NFATC2: variants seen among roughly 807,000 people sequenced by gnomAD.
NFATC2 encodes nuclear factor of activated T-cells, cytoplasmic 2.
NFATC2 carries 22 observed loss-of-function variants against 87.3 expected under a neutral mutation model. The ratio of observed to expected loss-of-function variants is 0.25; its 90% CI spans 0.18 to 0.36. The LOEUF is 0.36. NFATC2 is among the 10% of genes least tolerant of loss of function. The pLI, the probability that NFATC2 is intolerant of heterozygous loss-of-function variation, is 1.00. For missense variants in NFATC2, 1,149 were observed against 1,259.1 expected (o/e 0.91, Z 1.32); for synonymous variants, 565 against 542.2 (o/e 1.04, Z -0.58).
intron 3 of NFATC2, among the ~76,000 whole-genome samples, chr20:51,508,307 C>A (rs1032136870): frequency 6.6e-6 from 1 of 152,116 alleles, no homozygotes; most frequent in Non-Finnish European, 1.5e-5. Context: ...CACCCTCCCC[C>A]TCTCTCCACC....
Position 51,524,619 on chromosome 20 carries a change from C to T in NFATC2, c.131-509G>A, listed in dbSNP as rs2076513280. Among the ~76,000 whole-genome samples the T allele has an allele frequency of 1.3e-5, 2 of 152,088 alleles. 1 individual carries two copies. Among genetic ancestry groups the T allele is most frequent in the South Asian group, 4.2e-4 (2 of 4,818 alleles). ...CACCTATCTAGGGCCTATGGCAGCACTCTACACACATGACGTGGACGCAGG... is the reference window on the plus strand; with the variant it reads ...CACCTATCTAGGGCCTATGGCAGCATTCTACACACATGACGTGGACGCAGG... On this transcript the variant is annotated intron_variant, in intron 1 of 10. Coordinates refer to ENST00000371564, the MANE Select transcript of NFATC2 (RefSeq NM_012340.5). This position sits in a 1 kb window ranked among gnomAD's most constrained non-coding sequence, Gnocchi z 4.0.
At chr20:51,418,911 G>A (rs1980447663) in intron 9 of NFATC2, among the ~76,000 whole-genome samples, 1 of 151,390 alleles carries the variant, frequency 6.6e-6, no homozygotes, top group Non-Finnish European at 1.5e-5. Context: ...TGATCTGCCT[G>A]CCTCGGCTTC....
chr20:51,446,755 T>C (rs1353789613), intron 6 of NFATC2, among the ~76,000 whole-genome samples: 4 of 152,384 alleles, frequency 2.6e-5, no homozygotes, highest in Middle Eastern at 3.4e-3. Flanking sequence ...AGTTGCAATC[T>C]GGATCGCATC....
At position 51,418,659 on chromosome 20, in the gene NFATC2, GTT is replaced by G. The variant is rs752511466; in HGVS notation, c.2722+13406_2722+13407del. Among the ~76,000 whole-genome samples, 1,168 of 124,966 alleles carry G rather than the reference GTT, an allele frequency of 9.3e-3. 12 individuals are homozygous for G. The East Asian group carries it at 0.099, about 11-fold the overall frequency. 82.0% of individuals were successfully genotyped at this position (124,966 alleles called of 152,430 possible). A position where few individuals can be genotyped will look rare whatever the true frequency, so the allele number is the denominator to read the frequency against. On this transcript the variant is annotated intron_variant, in intron 9 of 10. Coordinates refer to ENST00000371564, the MANE Select transcript of NFATC2 (RefSeq NM_012340.5). ...TAGGTTTTCTTTTGTTGTTTGTTTG[GTT>G]TTTTTTTTTTTTTTTTTTTGAGACG... is the stretch of plus-strand genomic sequence containing the variant.
At chr20:51,485,776 G>C (rs2040341174) in intron 3 of NFATC2, among the ~76,000 whole-genome samples, 1 of 152,156 alleles carries the variant, frequency 6.6e-6, no homozygotes, top group African/African-American at 2.4e-5. Flanking sequence ...CTGTTGGCAG[G>C]AACAAGTGGG....
At chr20:51,473,925 A>T in intron 5 of NFATC2, 55 bp downstream of exon 5, 1 of 1,576,526 alleles carries the variant, frequency 6.3e-7, no homozygotes, top group Non-Finnish European at 8.6e-7. Context: ...TCCCGGGGGA[A>T]GCCCACGTGC....
chr20:51,519,563 G>A (rs555200045), intron 2 of NFATC2, among the ~76,000 whole-genome samples: 1 of 151,954 alleles, frequency 6.6e-6, no homozygotes, highest in East Asian at 1.9e-4. Context: ...GGCGGAGGTT[G>A]CAGTGAGCCG....
intron 10 of NFATC2, among the ~76,000 whole-genome samples, chr20:51,397,091 C>T (rs1028799035): frequency 2.0e-5 from 3 of 151,996 alleles, no homozygotes; most frequent in African/African-American, 4.8e-5. Flanking sequence ...CGGGGTTTCA[C>T]CATGTTGGCC....
intron 6 of NFATC2, among the ~76,000 whole-genome samples, chr20:51,444,275 C>T (rs961378844): frequency 6.6e-6 from 1 of 151,968 alleles, no homozygotes; most frequent in African/African-American, 2.4e-5. Context: ...AGCCACCACG[C>T]CCACCTGACA....
At chr20:51,492,932 G>A (rs1333862163) in intron 3 of NFATC2, among the ~76,000 whole-genome samples, 3 of 152,256 alleles carry the variant, frequency 2.0e-5, no homozygotes, top group African/African-American at 7.2e-5. Context: ...TCATGGAACT[G>A]TAGCGTCAGC....
At chr20:51,555,006 G>A (rs779715238) in intron 1 of NFATC2, among the ~76,000 whole-genome samples, 3 of 152,146 alleles carry the variant, frequency 2.0e-5, no homozygotes, top group African/African-American at 4.8e-5. Flanking sequence ...CCTGGGGCTC[G>A]AGGGAACACA....
intron 9 of NFATC2, among the ~76,000 whole-genome samples, chr20:51,415,479 G>C (rs1979924097): frequency 6.6e-6 from 1 of 152,066 alleles, no homozygotes; most frequent in African/African-American, 2.4e-5. Flanking sequence ...CTGAGTAGTT[G>C]GCCACCACCT....
intron 9 of NFATC2, among the ~76,000 whole-genome samples, chr20:51,399,438 T>C (rs902829731): frequency 1.3e-5 from 2 of 152,262 alleles, no homozygotes; most frequent in Non-Finnish European, 2.9e-5. Flanking sequence ...AAATGTTTTC[T>C]GAGTCCAATT....
At chr20:51,443,024 A>G (rs1364366640) in intron 6 of NFATC2, among the ~76,000 whole-genome samples, 2 of 152,114 alleles carry the variant, frequency 1.3e-5, no homozygotes, top group African/African-American at 4.8e-5. Flanking sequence ...ATTCCATTAG[A>G]CACACTGGCC....
chr20:51,492,726 C>T (rs1386977874), intron 3 of NFATC2, among the ~76,000 whole-genome samples: 1 of 152,230 alleles, frequency 6.6e-6, no homozygotes. Context: ...TGCCAGGCGA[C>T]TTGGAAGAGG....
Position 51,421,557 on chromosome 20 carries a change from G to A in NFATC2, c.2722+10510C>T, listed in dbSNP as rs1459842159. On this transcript the variant is annotated intron_variant, in intron 9 of 10. Coordinates refer to ENST00000371564, the MANE Select transcript of NFATC2 (RefSeq NM_012340.5). ...CTATCGTCGGAAGACAAAAGGGAAT[G>A]GCGGGGGCTGTGGACAGAGCAAGTG... 7.9e-5 allele frequency among the ~76,000 whole-genome samples: 12 copies of A among 152,360 alleles called. No homozygotes were observed. The East Asian group carries it at 2.3e-3, about 29-fold the overall frequency.
intron 3 of NFATC2, among the ~76,000 whole-genome samples, chr20:51,483,323 C>G (rs1318773113): frequency 2.0e-5 from 3 of 148,018 alleles, no homozygotes; most frequent in African/African-American, 7.5e-5. Flanking sequence ...TTGAATTTTA[C>G]TAAAATAAAA....
At chr20:51,555,914 T>C (rs1181257574) in intron 1 of NFATC2, among the ~76,000 whole-genome samples, 1 of 152,240 alleles carries the variant, frequency 6.6e-6, no homozygotes, top group Admixed American at 6.5e-5. Context: ...CAAAAAAATA[T>C]ATTCAAGTCC....
rs776295697 is a variant in NFATC2, at chr20:51,523,779, G to T, written c.462C>A (p.Pro154=). 6.2e-7 allele frequency: 1 copy of T among 1,609,220 alleles called. No homozygotes were observed. The highest frequency in any genetic ancestry group is 1.1e-5 in the South Asian group (1 of 90,830). ...CGCGGTAGCCCTCGAAGCCGGGCAC[G>T]GGCAGGGTGAACCTCGGGCTGGCGG... ...GVAASPRFTL[P]VPGFEGYREP... The change falls in exon 2 of 11, where the codon CCC becomes CCA. Residue 154 remains proline (P), a synonymous_variant. Transcript: ENST00000371564. This position sits in a 1 kb window ranked among gnomAD's most constrained non-coding sequence, Gnocchi z 6.9.
Sources: allele counts gnomAD v4.1 joint callset (sites outside exome capture counted in the v4.1 genomes callset), GRCh38; gene constraint gnomAD v4.1.1; non-coding constraint Gnocchi (gnomAD v3.1); transcripts MANE v1.5; gene names NCBI Gene and HGNC (gene_info 2026-07-23, HGNC 2026-07-21).